The following VSIG10L2 variants were observed in gnomAD, a reference collection of about 807,000 sequenced individuals.
The protein encoded by VSIG10L2 is V-set and immunoglobulin domain-containing protein 10-like 2.
Under a neutral mutation model 67.1 loss-of-function variants are expected in VSIG10L2, and 56 were observed. The observed-to-expected ratio is 0.83, with a 90% CI of 0.67 to 1.04. The LOEUF (loss-of-function observed/expected upper bound fraction) is 1.04. VSIG10L2 is among the 50% of genes least tolerant of loss of function. VSIG10L2 has a pLI of 0.00. For synonymous variants in VSIG10L2, 360 were observed against 396.6 expected, an observed-to-expected ratio of 0.91 and a Z score of 1.10; for missense variants, 843 against 932.8, an observed-to-expected ratio of 0.90 and a Z score of 1.25.
rs542740350 is a variant in VSIG10L2, at chr11:125,955,798, C to T, written c.2285-19C>T. The T allele has an allele frequency of 7.6e-5, 64 of 840,310 alleles. No individual in the cohort carries two copies. In the African/African-American group the frequency reaches 9.9e-4, roughly 13 times the overall value. 52.1% of individuals were successfully genotyped at this position (840,310 alleles called of 1,614,324 possible). ...CCCAAAGCATCCCTCTGTTCTTTGC[C>T]CACATATGCTCTTCATAGGCCTTGA... On this transcript the variant is annotated intron_variant, in intron 11 of 11. Coordinates refer to ENST00000686984, the MANE Select transcript of VSIG10L2 (RefSeq NM_001365077.2).
At position 125,955,648 on chromosome 11, in the gene VSIG10L2, AG is replaced by A; in HGVS notation, c.2266del (p.Asp756MetfsTer28). Reference sequence around the variant, plus strand: ...GGCACCAACAGAGGGGTTCCAGAGAAGATGCTGAGGCACCGGCAGGTAAGCA... The same window carrying A: ...GGCACCAACAGAGGGGTTCCAGAGAAATGCTGAGGCACCGGCAGGTAAGCA... ...QRHQQRGSREDAEAPAGLETP... is the reference protein window; with the variant it reads ...QRHQQRGSREXAEAPAGLETP... On this transcript the variant is annotated frameshift_variant, in exon 11 of 12. Transcript: ENST00000686984. LOFTEE classifies it low-confidence loss of function (END_TRUNC). The A allele has an allele frequency of 2.0e-6, 3 of 1,532,280 alleles. No homozygotes were observed. Among genetic ancestry groups the A allele is most frequent in the Non-Finnish European group, 2.6e-6 (3 of 1,145,122 alleles). The allele number at this position is 1,532,280 out of a possible 1,614,324, so 94.9% of individuals were successfully genotyped here.
Position 125,954,313 on chromosome 11 carries a change from C to T in VSIG10L2, c.2013C>T (p.Val671=). The T allele has an allele frequency of 1.6e-6, 2 of 1,231,960 alleles. No individual in the cohort carries two copies. Among genetic ancestry groups the T allele is most frequent in the Non-Finnish European group, 1.0e-6 (1 of 987,934 alleles). The allele number at this position is 1,231,960 out of a possible 1,614,324, so 76.3% of individuals were successfully genotyped here. A position where few individuals can be genotyped will look rare whatever the true frequency, so the allele number is the denominator to read the frequency against. Residue 671 remains valine, a synonymous_variant, in exon 8 of 12, where the codon GTC becomes GTT. Coordinates refer to ENST00000686984, the MANE Select transcript of VSIG10L2 (RefSeq NM_001365077.2). The part of the protein sequence containing the change: ...GRRLGGLDPG[V]LYAFRILALN... ...GGCTGGGGGGCTTGGACCCCGGGGT[C>T]CTTTATGCCTTCCGCATCCTGGCTC...
Position 125,955,954 on chromosome 11 carries a change from G to A in VSIG10L2, c.*40G>A. Reference sequence around the variant, plus strand: ...GATGCAAATAGGCTTAGGGAGGGCAGGTGGGATTTGGGAAGAGCCCTTCTG... The same window carrying A: ...GATGCAAATAGGCTTAGGGAGGGCAAGTGGGATTTGGGAAGAGCCCTTCTG... On this transcript the variant is annotated 3_prime_UTR_variant, in exon 12 of 12. Transcript: ENST00000686984. The A allele has an allele frequency of 1.6e-6, 1 of 638,354 alleles. No homozygotes were observed. The highest frequency in any genetic ancestry group is 2.5e-5 in the Admixed American group (1 of 40,212). 39.5% of individuals were successfully genotyped at this position (638,354 alleles called of 1,614,324 possible). A position where few individuals can be genotyped will look rare whatever the true frequency, so the allele number is the denominator to read the frequency against.
rs1314088694 is a variant in VSIG10L2 at position 125,955,814 on chromosome 11, T to C, written c.2285-3T>C. 6.4e-6 allele frequency: 5 copies of C among 778,150 alleles called. No individual in the cohort carries two copies. The highest frequency in any genetic ancestry group is 1.5e-5 in the South Asian group (1 of 67,676). 48.2% of individuals were successfully genotyped at this position (778,150 alleles called of 1,614,324 possible). A position where few individuals can be genotyped will look rare whatever the true frequency, so the allele number is the denominator to read the frequency against. The stretch of plus-strand genomic sequence containing the variant: ...GTTCTTTGCCCACATATGCTCTTCA[T>C]AGGCCTTGAAACACCAACCACCACC... On this transcript the variant is annotated splice_polypyrimidine_tract_variant and splice_region_variant and intron_variant, in intron 11 of 11. Coordinates refer to ENST00000686984, the MANE Select transcript of VSIG10L2 (RefSeq NM_001365077.2).
chr11:125,951,646 C>A (rs765759073), intron 5 of VSIG10L2, 167 bp from the exon 6 acceptor site: 1 of 721,350 alleles, frequency 1.4e-6, no homozygotes. Flanking sequence ...TCTGTTCCCA[C>A]CATTTCCCTG....
At position 125,946,668 on chromosome 11, in the gene VSIG10L2, G is replaced by A. The variant is rs1052220073; in HGVS notation, c.82+531G>A. ...TTCTCCAGCCTCAGCCTACCAAGTA[G>A]CTGGGATTACAGGTGTGTGCCACCA... On this transcript the variant is annotated intron_variant, in intron 1 of 11. Coordinates refer to ENST00000686984, the MANE Select transcript of VSIG10L2 (RefSeq NM_001365077.2). This position sits in a 1 kb window ranked among gnomAD's most constrained non-coding sequence, Gnocchi z 4.4. 4.0e-5 allele frequency among the ~76,000 whole-genome samples: 6 copies of A among 151,816 alleles called. No homozygotes were observed. The highest frequency in any genetic ancestry group is 8.8e-5 in the Non-Finnish European group (6 of 67,992).
chr11:125,947,308 C>A, intron 1 of VSIG10L2: 1 of 428,120 alleles, frequency 2.3e-6, no homozygotes, highest in Non-Finnish European at 3.1e-6. Context: ...GATCTTGGGG[C>A]GCTTGTTACA....
chr11:125,953,248 A>G (rs556545115), intron 6 of VSIG10L2, among the ~76,000 whole-genome samples, 152 bp from the exon 7 acceptor site: 1 of 152,272 alleles, frequency 6.6e-6, no homozygotes, highest in Admixed American at 6.5e-5. Context: ...ATAGAATGGG[A>G]ACCTGAAGAG....
intron 8 of VSIG10L2, among the ~76,000 whole-genome samples, chr11:125,954,855 C>T (rs1011638283): frequency 6.6e-6 from 1 of 152,140 alleles, no homozygotes; most frequent in African/African-American, 2.4e-5. Flanking sequence ...AGAGTCAAAC[C>T]CCAGAGCACT....
chr11:125,947,556 T>G (rs1049591083), intron 1 of VSIG10L2, 130 bp from the exon 2 acceptor site: 1 of 1,230,702 alleles, frequency 8.1e-7, no homozygotes, highest in Non-Finnish European at 1.0e-6. Flanking sequence ...AGTGCTTTTA[T>G]GTGGTCTTCC....
Position 125,955,820 on chromosome 11 carries a change from T to A in VSIG10L2, c.2288T>A (p.Leu763His). 2.7e-6 allele frequency: 2 copies of A among 746,842 alleles called. No individual in the cohort carries two copies. Among genetic ancestry groups the A allele is most frequent in the Non-Finnish European group, 4.7e-6 (2 of 428,278 alleles). 46.3% of individuals were successfully genotyped at this position (746,842 alleles called of 1,614,324 possible). A position where few individuals can be genotyped will look rare whatever the true frequency, so the allele number is the denominator to read the frequency against. Reference protein sequence around the residue: ...SREDAEAPAGLETPTTTPGLD... With the variant: ...SREDAEAPAGHETPTTTPGLD... Reference sequence around the variant, plus strand: ...TGCCCACATATGCTCTTCATAGGCCTTGAAACACCAACCACCACCCCAGGT... The same window carrying A: ...TGCCCACATATGCTCTTCATAGGCCATGAAACACCAACCACCACCCCAGGT... The change falls in exon 12 of 12, where the codon CTT becomes CAT. Residue 763 changes from leucine to histidine, a missense_variant. Transcript: ENST00000686984.
At chr11:125,948,886 T>C (rs1373519989) in intron 3 of VSIG10L2, among the ~76,000 whole-genome samples, 3 of 152,220 alleles carry the variant, frequency 2.0e-5, no homozygotes, top group African/African-American at 4.8e-5. Flanking sequence ...AGGTTGAGCC[T>C]GGAGGGCTCT....
Position 125,954,270 on chromosome 11 carries a change from C to A in VSIG10L2, c.1970C>A (p.Pro657Gln). 4 of 1,232,262 alleles carry A rather than the reference C, an allele frequency of 3.2e-6. No homozygotes were observed. Among genetic ancestry groups the A allele is most frequent in the Non-Finnish European group, 4.0e-6 (4 of 988,066 alleles). 76.3% of individuals were successfully genotyped at this position (1,232,262 alleles called of 1,614,324 possible). A position where few individuals can be genotyped will look rare whatever the true frequency, so the allele number is the denominator to read the frequency against. ...AWETAASDIE[P>Q]ESRGRRLGGL... ...GAGACAGCAGCTAGTGACATCGAGC[C>A]AGAGAGCCGAGGACGGCGGCTGGGG... The change falls in exon 8 of 12, where the codon CCA (proline) becomes CAA (glutamine). Residue 657 changes from proline to glutamine, a missense_variant. Pro to Gln is a moderately conservative substitution (Grantham distance 76, BLOSUM62 -1). Coordinates refer to ENST00000686984, the MANE Select transcript of VSIG10L2 (RefSeq NM_001365077.2).
Position 125,952,088 on chromosome 11 carries a change from G to T in VSIG10L2, c.1495+15G>T. 3 of 1,525,112 alleles carry T rather than the reference G, an allele frequency of 2.0e-6. No individual in the cohort carries two copies. Among genetic ancestry groups the T allele is most frequent in the Admixed American group, 2.0e-5 (1 of 50,486 alleles). 94.5% of individuals were successfully genotyped at this position (1,525,112 alleles called of 1,614,324 possible). A position where few individuals can be genotyped will look rare whatever the true frequency, so the allele number is the denominator to read the frequency against. Reference sequence around the variant, plus strand: ...CCTCCAGCTGGGTGAGTAGGGGCTAGCGAGTTTGTTCTGGGGCTGGGACAG... The same window carrying T: ...CCTCCAGCTGGGTGAGTAGGGGCTATCGAGTTTGTTCTGGGGCTGGGACAG... On this transcript the variant is annotated intron_variant, in intron 6 of 11. Transcript: ENST00000686984.
rs575213146 is a variant in VSIG10L2, at chr11:125,951,042, C to T, written c.1118C>T (p.Ala373Val). 140 of 1,232,482 alleles carry T rather than the reference C, an allele frequency of 1.1e-4. No homozygotes were observed. The South Asian group carries it at 5.4e-3, about 47-fold the overall frequency. 76.3% of individuals were successfully genotyped at this position (1,232,482 alleles called of 1,614,324 possible). A position where few individuals can be genotyped will look rare whatever the true frequency, so the allele number is the denominator to read the frequency against. ...WEGPQGPGPT[A>V]PSNVTWSHAA... ...GGGCCTCAGGGACCTGGCCCTACTG[C>T]CCCCAGCAACGTCACCTGGAGTCAC... is the stretch of plus-strand genomic sequence containing the variant. Residue 373 changes from alanine to valine, a missense_variant, in exon 5 of 12, where the codon GCC becomes GTC. By Grantham distance (64) the Ala-to-Val change is moderately conservative. This residue lies in a region of VSIG10L2 where 446 missense variants were observed against 548.4 expected (regional missense o/e 0.81). Coordinates refer to ENST00000686984, the MANE Select transcript of VSIG10L2 (RefSeq NM_001365077.2).
Position 125,947,971 on chromosome 11 carries a change from A to C in VSIG10L2, c.368A>C (p.Gln123Pro). ...GGTGCCCGTGGCCACTTCCTATGCC[A>C]GGTTCTGCACGTGGCTGGCGGCCAG... ...HEGARGHFLCQVLHVAGGQLH... is the reference protein window; with the variant it reads ...HEGARGHFLCPVLHVAGGQLH... Residue 123 changes from glutamine (Q) to proline (P), a missense_variant, in exon 2 of 12, where the codon CAG becomes CCG. Around this residue, in one of 2 missense-constraint regions of VSIG10L2, gnomAD observed 446 missense variants for 548.4 expected, o/e 0.81. Coordinates refer to ENST00000686984, the MANE Select transcript of VSIG10L2 (RefSeq NM_001365077.2). 2 of 1,232,288 alleles carry C rather than the reference A, an allele frequency of 1.6e-6. No homozygotes were observed. Among genetic ancestry groups the C allele is most frequent in the African/African-American group, 1.5e-5 (1 of 64,554 alleles). 76.3% of individuals were successfully genotyped at this position (1,232,288 alleles called of 1,614,324 possible).
chr11:125,947,348 A>G, intron 1 of VSIG10L2: 1 of 872,100 alleles, frequency 1.1e-6, no homozygotes, highest in Non-Finnish European at 1.4e-6. Context: ...TGACCCCCTC[A>G]CCACCACTGG....
intron 3 of VSIG10L2, 46 bp from the exon 4 acceptor site, chr11:125,949,968 A>C: frequency 8.1e-7 from 1 of 1,231,798 alleles, no homozygotes. Context: ...TGCGTGAATG[A>C]AGGAATGAAG....
At position 125,953,606 on chromosome 11, in the gene VSIG10L2, C is replaced by T. The variant is rs981924461; in HGVS notation, c.1702C>T (p.Pro568Ser). 2 of 1,232,074 alleles carry T rather than the reference C, an allele frequency of 1.6e-6. No individual in the cohort carries two copies. The highest frequency in any genetic ancestry group is 1.6e-5 in the African/African-American group (1 of 64,408). The allele number at this position is 1,232,074 out of a possible 1,614,324, so 76.3% of individuals were successfully genotyped here. A position where few individuals can be genotyped will look rare whatever the true frequency, so the allele number is the denominator to read the frequency against. ...QLRLGIYDAD[P>S]AHHRGTYQCV... ...GCGCCTGGGCATCTACGATGCTGAC[C>T]CGGCACACCACAGGGGCACCTACCA... is the stretch of plus-strand genomic sequence containing the variant. The change falls in exon 7 of 12, where the codon CCG becomes TCG. Residue 568 changes from proline (P) to serine (S), a missense_variant. By Grantham distance (74) the Pro-to-Ser change is moderately conservative (BLOSUM62 -1). Coordinates refer to ENST00000686984, the MANE Select transcript of VSIG10L2 (RefSeq NM_001365077.2).
Sources: gnomAD v4.1 joint callset for allele counts (sites outside exome capture counted in the v4.1 genomes callset) on GRCh38, gnomAD v4.1.1 for gene constraint, gnomAD v4.1.1 regional missense constraint, Gnocchi (gnomAD v3.1) non-coding constraint, MANE v1.5 for transcripts, NCBI Gene and HGNC (gene_info 2026-07-23, HGNC 2026-07-21) for gene names.